PPP2R2A: variants seen among roughly 807,000 people sequenced by gnomAD.
PPP2R2A encodes the protein protein phosphatase 2 regulatory subunit Balpha.
A neutral mutation model predicts 53.2 loss-of-function variants in PPP2R2A; 9 were observed. That is an observed-to-expected ratio of 0.17 (90% CI 0.10 to 0.30). The LOEUF is 0.30. Ranked by LOEUF, PPP2R2A falls within the 10% of genes least tolerant of loss-of-function variation. The pLI is 1.00. For missense variants in PPP2R2A, 235 were observed against 534.6 expected (o/e 0.44, Z 5.53); for synonymous variants, 169 against 174.2 (o/e 0.97, Z 0.23).
chr8:26,309,645 G>C (rs1802185642), intron 2 of PPP2R2A, among the ~76,000 whole-genome samples: 1 of 152,144 alleles, frequency 6.6e-6, no homozygotes, highest in South Asian at 2.1e-4. Context: ...CTGTTGTTTA[G>C]TGTAGTCACC....
chr8:26,323,961 G>C (rs1802965433), intron 2 of PPP2R2A, among the ~76,000 whole-genome samples: 1 of 152,186 alleles, frequency 6.6e-6, no homozygotes, highest in Non-Finnish European at 1.5e-5. Flanking sequence ...TCACACAACA[G>C]ATTTAGAACC....
Position 26,312,185 on chromosome 8 carries a change from A to G in PPP2R2A, c.82+18445A>G, listed in dbSNP as rs1585339323. Among the ~76,000 whole-genome samples the G allele has an allele frequency of 2.6e-5, 4 of 152,226 alleles. No individual in the cohort carries two copies. The South Asian group carries it at 6.2e-4, about 24-fold the overall frequency. On this transcript the variant is annotated intron_variant, in intron 2 of 9. Transcript: ENST00000380737. ...AGAATAGAAATGGAAAGCAAATGTT[A>G]TTATACCAGTGAACATGCTTAATTC...
At chr8:26,293,166 A>G in intron 1 of PPP2R2A, 1 of 1,408,054 alleles carries the variant, frequency 7.1e-7, no homozygotes, top group Non-Finnish European at 9.6e-7. Context: ...TAATGAATGC[A>G]AAGAAATGGG....
rs116311389 is a variant in PPP2R2A, at chr8:26,369,222, C to T, written c.1065-912C>T. 9.3e-3 allele frequency among the ~76,000 whole-genome samples: 1,411 copies of T among 152,122 alleles called. 26 individuals carry two copies. Among genetic ancestry groups the T allele is most frequent in the African/African-American group, 0.032 (1,319 of 41,498 alleles). ...ATGTGATTATCTGAACCAGACAATA[C>T]CCTGAGAAGATTATTTATTTATGAG... On this transcript the variant is annotated intron_variant, in intron 9 of 9. Coordinates refer to ENST00000380737, the MANE Select transcript of PPP2R2A (RefSeq NM_002717.4).
At position 26,312,955 on chromosome 8, in the gene PPP2R2A, G is replaced by C. The variant is rs532666870; in HGVS notation, c.82+19215G>C. On this transcript the variant is annotated intron_variant, in intron 2 of 9. Coordinates refer to ENST00000380737, the MANE Select transcript of PPP2R2A (RefSeq NM_002717.4). Reference sequence around the variant, plus strand: ...TTACAAGGCAAATGAACAGTTTTCTGTTTCTCTCACCTGTCCTCATCTTGA... The same window carrying C: ...TTACAAGGCAAATGAACAGTTTTCTCTTTCTCTCACCTGTCCTCATCTTGA... Among the ~76,000 whole-genome samples, 46 of 151,596 alleles carry C rather than the reference G, an allele frequency of 3.0e-4. 1 individual carries two copies. The South Asian group carries it at 9.2e-3, about 30-fold the overall frequency.
In PPP2R2A at chr8:26,354,770, C is replaced by T; in HGVS notation, c.346+137C>T. On this transcript the variant is annotated intron_variant, in intron 4 of 9. Transcript: ENST00000380737. The surrounding 1 kb of genome is among the most constrained non-coding windows in gnomAD (Gnocchi z 4.6). Reference sequence around the variant, plus strand: ...TTTTCTATACAGAATGTAAACTCTACTTTTTTACTGTCACTTGCAGTTTTT... The same window carrying T: ...TTTTCTATACAGAATGTAAACTCTATTTTTTTACTGTCACTTGCAGTTTTT... 1.2e-6 allele frequency: 1 copy of T among 821,528 alleles called. No individual in the cohort carries two copies. The highest frequency in any genetic ancestry group is 3.3e-5 in the East Asian group (1 of 30,240). 50.9% of individuals were successfully genotyped at this position (821,528 alleles called of 1,614,324 possible). A position where few individuals can be genotyped will look rare whatever the true frequency, so the allele number is the denominator to read the frequency against.
At chr8:26,323,106 C>T (rs1303751377) in intron 2 of PPP2R2A, among the ~76,000 whole-genome samples, 1 of 152,174 alleles carries the variant, frequency 6.6e-6, no homozygotes, top group Admixed American at 6.5e-5. Flanking sequence ...TAATCCTTAG[C>T]CCAGACCTCT....
At chr8:26,346,229 C>G (rs1330554613) in intron 3 of PPP2R2A, among the ~76,000 whole-genome samples, 1 of 151,968 alleles carries the variant, frequency 6.6e-6, no homozygotes, top group African/African-American at 2.4e-5. Flanking sequence ...CAACTTCCAC[C>G]ACCCAGGTTC....
intron 3 of PPP2R2A, among the ~76,000 whole-genome samples, chr8:26,352,854 G>T (rs1804590959): frequency 6.6e-6 from 1 of 152,092 alleles, no homozygotes; most frequent in African/African-American, 2.4e-5. Flanking sequence ...TACCTTAATT[G>T]TGTAGACCAT....
At chr8:26,339,302 T>G (rs1319844152) in intron 3 of PPP2R2A, among the ~76,000 whole-genome samples, 1 of 152,198 alleles carries the variant, frequency 6.6e-6, no homozygotes, top group Non-Finnish European at 1.5e-5. Context: ...TTATAATTTT[T>G]CCTTTGAAAC....
At position 26,370,585 on chromosome 8, in the gene PPP2R2A, T is replaced by C. The variant is rs1050581506; in HGVS notation, c.*172T>C. 3 of 751,864 alleles carry C rather than the reference T, an allele frequency of 4.0e-6. No individual in the cohort carries two copies. Among genetic ancestry groups the C allele is most frequent in the Non-Finnish European group, 6.3e-6 (3 of 474,806 alleles). The allele number at this position is 751,864 out of a possible 1,614,324, so 46.6% of individuals were successfully genotyped here. A position where few individuals can be genotyped will look rare whatever the true frequency, so the allele number is the denominator to read the frequency against. Reference sequence around the variant, plus strand: ...ACATGGAGAAAGCTCTGTGGATTCATCACTGTGGTGTTCTCCATGTCTGCT... The same window carrying C: ...ACATGGAGAAAGCTCTGTGGATTCACCACTGTGGTGTTCTCCATGTCTGCT... On this transcript the variant is annotated 3_prime_UTR_variant, in exon 10 of 10. Coordinates refer to ENST00000380737, the MANE Select transcript of PPP2R2A (RefSeq NM_002717.4). This position sits in a 1 kb window ranked among gnomAD's most constrained non-coding sequence, Gnocchi z 6.1.
At chr8:26,343,623 T>G (rs1804063337) in intron 3 of PPP2R2A, among the ~76,000 whole-genome samples, 1 of 152,078 alleles carries the variant, frequency 6.6e-6, no homozygotes, top group Non-Finnish European at 1.5e-5. Flanking sequence ...ACCCGTCTCG[T>G]GATCCACCCA....
At chr8:26,356,904 C>G (rs188999520) in intron 4 of PPP2R2A, among the ~76,000 whole-genome samples, 117 of 152,184 alleles carry the variant, frequency 7.7e-4, no homozygotes, top group African/African-American at 2.7e-3. Flanking sequence ...AGTGTTATTT[C>G]GAAGCAAATC....
chr8:26,350,871 T>G (rs1163686736), intron 3 of PPP2R2A, among the ~76,000 whole-genome samples: 3 of 152,100 alleles, frequency 2.0e-5, no homozygotes, highest in African/African-American at 7.2e-5. Context: ...TGTTGGAGGA[T>G]CCAGGGGCAG....
rs557493296 is a variant in PPP2R2A, at chr8:26,354,383, G to C, written c.181-85G>C. The C allele has an allele frequency of 4.8e-4, 551 of 1,148,952 alleles. No individual in the cohort carries two copies. The highest frequency in any genetic ancestry group is 9.6e-4 in the Middle Eastern group (4 of 4,166). The allele number at this position is 1,148,952 out of a possible 1,614,324, so 71.2% of individuals were successfully genotyped here. On this transcript the variant is annotated intron_variant, in intron 3 of 9. Transcript: ENST00000380737. The surrounding 1 kb of genome is among the most constrained non-coding windows in gnomAD (Gnocchi z 4.6). ...ACAACTAATGGGGTATTGAGAATGT[G>C]CAGGGTCCTTTGGAATTGATTACAT...
At chr8:26,329,623 CA>C (rs1803268891) in intron 2 of PPP2R2A, among the ~76,000 whole-genome samples, 1 of 152,134 alleles carries the variant, frequency 6.6e-6, no homozygotes, top group Non-Finnish European at 1.5e-5. Context: ...GTTAGCAGGA[CA>C]GTTTTGAACA....
At chr8:26,298,250 T>C (rs1056445415) in intron 2 of PPP2R2A, among the ~76,000 whole-genome samples, 2 of 152,202 alleles carry the variant, frequency 1.3e-5, no homozygotes, top group Non-Finnish European at 2.9e-5. Flanking sequence ...TCTAATAATG[T>C]ATTAAAGGGT....
Position 26,370,628 on chromosome 8 carries a change from T to C in PPP2R2A, c.*215T>C. Reference sequence around the variant, plus strand: ...TGTCTGCTAGCCATTTAGGTAAGGGTAGGGCACTTTTAATTTAAATGACTT... The same window carrying C: ...TGTCTGCTAGCCATTTAGGTAAGGGCAGGGCACTTTTAATTTAAATGACTT... On this transcript the variant is annotated 3_prime_UTR_variant, in exon 10 of 10. Transcript: ENST00000380737. This position sits in a 1 kb window ranked among gnomAD's most constrained non-coding sequence, Gnocchi z 6.1. The C allele has an allele frequency of 1.7e-6, 1 of 592,486 alleles. No individual in the cohort carries two copies. Among genetic ancestry groups the C allele is most frequent in the Non-Finnish European group, 2.9e-6 (1 of 339,384 alleles). 36.7% of individuals were successfully genotyped at this position (592,486 alleles called of 1,614,324 possible).
intron 8 of PPP2R2A, 186 bp from the exon 9 acceptor site, chr8:26,366,129 T>G (rs1805361736): frequency 1.9e-6 from 1 of 515,854 alleles, no homozygotes; most frequent in East Asian, 3.5e-5. Context: ...AAAATGTACC[T>G]CCCTGAAGGG....
Sources: allele counts gnomAD v4.1 joint callset (sites outside exome capture counted in the v4.1 genomes callset), GRCh38; gene constraint gnomAD v4.1.1; non-coding constraint Gnocchi (gnomAD v3.1); transcripts MANE v1.5; gene names NCBI Gene and HGNC (gene_info 2026-07-23, HGNC 2026-07-21).